DNAH17: variants seen among roughly 807,000 people sequenced by gnomAD.
DNAH17 encodes the protein dynein axonemal heavy chain 17, also known as axonemal beta dynein heavy chain 17.
A neutral mutation model predicts 485.6 loss-of-function variants in DNAH17; 376 were observed. The observed-to-expected ratio is 0.77, with a 90% CI of 0.71 to 0.84. DNAH17 has a LOEUF of 0.84. Ranked by LOEUF, DNAH17 falls within the 40% of genes least tolerant of loss-of-function variation. The pLI is 0.00. For synonymous variants in DNAH17, 3,031 were observed against 2,405.9 expected (o/e 1.26, Z -7.60); for missense variants, 6,370 against 5,839.3 (o/e 1.09, Z -2.96).
At chr17:78,523,802 G>A (rs962205410) in intron 25 of DNAH17, among the ~76,000 whole-genome samples, 9 of 152,354 alleles carry the variant, frequency 5.9e-5, no homozygotes, top group East Asian at 1.9e-4. Context: ...AGTTACTTGC[G>A]AGGCTGAGAG....
At chr17:78,478,782 TATC>T (rs1480770468) in intron 51 of DNAH17, 31 of 475,722 alleles carry the variant, frequency 6.5e-5, no homozygotes, top group East Asian at 5.9e-4. Flanking sequence ...TCACCATCAC[TATC>T]ATCATAACCA....
intron 79 of DNAH17, 163 bp from the exon 80 acceptor site, chr17:78,425,734 C>G (rs183572720): frequency 3.9e-6 from 2 of 511,176 alleles, no homozygotes; most frequent in Admixed American, 7.4e-5. Context: ...AGCCACCTAC[C>G]ATGACGCAAC....
intron 16 of DNAH17, among the ~76,000 whole-genome samples, chr17:78,546,803 G>T (rs930234389): frequency 6.6e-6 from 1 of 152,190 alleles, no homozygotes; most frequent in South Asian, 2.1e-4. Context: ...CTATTTGGGA[G>T]GCTGAAGCAG....
At chr17:78,492,033 C>T (rs2089881534) in intron 42 of DNAH17, among the ~76,000 whole-genome samples, 4 of 152,080 alleles carry the variant, frequency 2.6e-5, no homozygotes, top group Admixed American at 1.3e-4. Context: ...ATGCAGAAGC[C>T]AGCGAAGGGG....
chr17:78,481,041 C>T (rs961441860), intron 48 of DNAH17, among the ~76,000 whole-genome samples: 3 of 151,486 alleles, frequency 2.0e-5, no homozygotes, highest in Admixed American at 2.0e-4. Context: ...GTGATGCGCC[C>T]GCCTCAGCCT....
chr17:78,571,150 G>T, intron 5 of DNAH17, 117 bp from the exon 6 acceptor site: 1 of 1,278,538 alleles, frequency 7.8e-7, no homozygotes, highest in Non-Finnish European at 1.1e-6. Flanking sequence ...CCTTTCTCAA[G>T]TGGAGGGGGC....
At chr17:78,438,369 G>A (rs1037337001) in intron 73 of DNAH17, among the ~76,000 whole-genome samples, 3 of 132,936 alleles carry the variant, frequency 2.3e-5, no homozygotes, top group Admixed American at 1.6e-4. Context: ...TGAACCAAAT[G>A]TGCAGAGAGC....
At chr17:78,501,613 G>C (rs559946805) in intron 34 of DNAH17, 129 bp downstream of exon 34, 1 of 1,356,402 alleles carries the variant, frequency 7.4e-7, no homozygotes, top group East Asian at 2.3e-5. Context: ...TTAGGAGGCA[G>C]CTGCAGCCAG....
At chr17:78,484,740 C>CCCCCCCA in intron 48 of DNAH17, 128 bp downstream of exon 48, 1 of 332,058 alleles carries the variant, frequency 3.0e-6, no homozygotes, top group Non-Finnish European at 4.8e-6. Flanking sequence ...CGTTGCAGCA[C>CCCCCCCA]CCCCCCCACC....
chr17:78,501,081 T>TC, intron 35 of DNAH17, 103 bp downstream of exon 35: 1 of 1,360,118 alleles, frequency 7.4e-7, no homozygotes, highest in Non-Finnish European at 9.9e-7. Context: ...AAATGCCCAG[T>TC]CCTTCCAGCC....
intron 75 of DNAH17, 112 bp downstream of exon 75, chr17:78,433,917 G>C (rs541007323): frequency 1.8e-4 from 145 of 800,712 alleles, no homozygotes; most frequent in Non-Finnish European, 2.3e-4. Flanking sequence ...AAAGGAAAGG[G>C]AGGGAAGGAA....
Position 78,479,070 on chromosome 17 carries a change from C to A in DNAH17, c.7947G>T (p.Lys2649Asn). 1 of 1,613,962 alleles carries A rather than the reference C, an allele frequency of 6.2e-7. No individual in the cohort carries two copies. ...CCCTGAGGTTGAAGACATAATGAAA[C>A]TTAATGGCCGTGGGAAGAAATGTTG... Reference protein sequence around the residue: ...ITATFLPTAIKFHYVFNLRDL... With the variant: ...ITATFLPTAINFHYVFNLRDL... Residue 2649 changes from lysine to asparagine, a missense_variant, in exon 51 of 81, where the codon AAG becomes AAT. Transcript: ENST00000389840.
chr17:78,562,652 T>C (rs920833636), intron 11 of DNAH17, among the ~76,000 whole-genome samples: 14 of 152,134 alleles, frequency 9.2e-5, no homozygotes, highest in African/African-American at 2.9e-4. Context: ...CAACTCCAAG[T>C]AAACAATTTT....
At chr17:78,431,708 G>A (rs1264512777) in intron 75 of DNAH17, among the ~76,000 whole-genome samples, 2 of 152,106 alleles carry the variant, frequency 1.3e-5, no homozygotes, top group Non-Finnish European at 2.9e-5. Context: ...AGTCTGTGGA[G>A]GGGGAGGGAG....
intron 6 of DNAH17, 99 bp from the exon 7 acceptor site, chr17:78,570,471 C>A: frequency 6.9e-7 from 1 of 1,441,288 alleles, no homozygotes; most frequent in South Asian, 1.4e-5. Context: ...ACTGGGTATC[C>A]AGCAGAGGGT....
At chr17:78,545,796 T>C (rs1401528592) in intron 16 of DNAH17, among the ~76,000 whole-genome samples, 1 of 152,202 alleles carries the variant, frequency 6.6e-6, no homozygotes, top group African/African-American at 2.4e-5. Flanking sequence ...TTAACAATAT[T>C]CTCATTGGGA....
chr17:78,507,645 G>C lies in DNAH17; in HGVS notation c.4397C>G (p.Ala1466Gly), dbSNP rs181497039. 11 of 1,613,982 alleles carry C rather than the reference G, an allele frequency of 6.8e-6. No individual in the cohort carries two copies. In the African/African-American group the frequency reaches 1.3e-4, roughly 20 times the overall value. ...LQNLMMSKYL[A>G]HFLKEVTSWQ... ...GCTTGTCACCTCCTTCAGGAAGTGGGCCAGGTACTTGGACATCATCAGGTT... is the reference window on the plus strand; with the variant it reads ...GCTTGTCACCTCCTTCAGGAAGTGGCCCAGGTACTTGGACATCATCAGGTT... The change falls in exon 28 of 81, where the codon GCC becomes GGC. Residue 1466 changes from alanine to glycine, a missense_variant. Physicochemically the swap from Ala to Gly is moderately conservative, Grantham distance 60. Coordinates refer to ENST00000389840, the MANE Select transcript of DNAH17 (RefSeq NM_173628.4).
Position 78,560,759 on chromosome 17 carries a change from T to C in DNAH17, c.2012A>G (p.His671Arg), listed in dbSNP as rs1199185957. ...ILRDAASNLI[H>R]VNFSKALVAV... is the part of the protein sequence containing the mutation. ...ACCCACCGCTTTGCTGAAGTTGACG[T>C]GGATGAGGTTGCTAGCGGCGTCCCG... The change falls in exon 13 of 81, where the codon CAC becomes CGC. Residue 671 changes from histidine to arginine, a missense_variant. Transcript: ENST00000389840. 16 of 1,551,516 alleles carry C rather than the reference T, an allele frequency of 1.0e-5. No homozygotes were observed. Among genetic ancestry groups the C allele is most frequent in the Admixed American group, 7.8e-5 (4 of 51,088 alleles).
At position 78,490,926 on chromosome 17, in the gene DNAH17, G is replaced by A. The variant is rs555531786; in HGVS notation, c.6670-79C>T. 1.4e-5 allele frequency: 21 copies of A among 1,454,128 alleles called. No individual in the cohort carries two copies. In the East Asian group the frequency reaches 2.5e-4, roughly 17 times the overall value. 90.1% of individuals were successfully genotyped at this position (1,454,128 alleles called of 1,614,324 possible). On this transcript the variant is annotated intron_variant, in intron 43 of 80. Coordinates refer to ENST00000389840, the MANE Select transcript of DNAH17 (RefSeq NM_173628.4). ...TGGTGTTCTGGGGTGGGGGTTACTC[G>A]GAGCAAACCTCCGAGCAAGGAGGAG... is the stretch of plus-strand genomic sequence containing the variant.
Sources: gnomAD v4.1 joint callset for allele counts (sites outside exome capture counted in the v4.1 genomes callset) on GRCh38, gnomAD v4.1.1 for gene constraint, MANE v1.5 for transcripts, NCBI Gene and HGNC (gene_info 2026-07-23, HGNC 2026-07-21) for gene names.